Variants in PDE4D observed in about 807,000 individuals in gnomAD.
The protein encoded by PDE4D is 3',5'-cyclic-AMP phosphodiesterase 4D.
PDE4D carries 24 observed loss-of-function variants against 87.4 expected under a neutral mutation model. The observed-to-expected ratio is 0.27, with a 90% confidence interval of 0.20 to 0.39. PDE4D has a LOEUF of 0.39. Ranked by LOEUF, PDE4D falls within the 10% of genes least tolerant of loss-of-function variation. The probability of loss-of-function intolerance (pLI) is 1.00; values close to 1 mark genes in which losing one functional copy is unlikely to be tolerated. For synonymous variants in PDE4D, 384 were observed against 383.2 expected, an observed-to-expected ratio of 1.00 and a Z score of -0.02; for missense variants, 714 against 1,041.0, an observed-to-expected ratio of 0.69 and a Z score of 4.32.
rs191680081 is a variant in PDE4D, at chr5:59,211,618, T to G, written c.647+4159A>C. Among the ~76,000 whole-genome samples the G allele has an allele frequency of 1.4e-3, 213 of 152,176 alleles. 2 individuals are homozygous for G. Among genetic ancestry groups the G allele is most frequent in the African/African-American group, 4.5e-3 (187 of 41,554 alleles). Reference sequence around the variant, plus strand: ...TTGCTTTTTTTTCAAAAGATTAAGCTCATTGGACTTTGGCTTTCTAACCTG... The same window carrying G: ...TTGCTTTTTTTTCAAAAGATTAAGCGCATTGGACTTTGGCTTTCTAACCTG... On this transcript the variant is annotated intron_variant, in intron 2 of 14. Coordinates refer to ENST00000340635, the MANE Select transcript of PDE4D (RefSeq NM_001104631.2).
At chr5:59,746,662 C>T (rs765168015) in intron 1 of PDE4D, among the ~76,000 whole-genome samples, 24 of 152,070 alleles carry the variant, frequency 1.6e-4, no homozygotes, top group Non-Finnish European at 2.6e-4. Flanking sequence ...TGACTCCTAG[C>T]GTTCAGTCTG....
intron 1 of PDE4D, among the ~76,000 whole-genome samples, chr5:59,576,417 C>A (rs1269688322): frequency 6.6e-6 from 1 of 152,028 alleles, no homozygotes; most frequent in Non-Finnish European, 1.5e-5. Flanking sequence ...GCATACGACC[C>A]TACCTTATCT....
At chr5:60,264,791 C>G (rs1191546624) in intron 1 of PDE4D, among the ~76,000 whole-genome samples, 1 of 152,160 alleles carries the variant, frequency 6.6e-6, no homozygotes, top group African/African-American at 2.4e-5. Context: ...ACACCCTGCT[C>G]ACACCCCTCA....
At chr5:60,183,380 T>A (rs189013063) in intron 2 of PDE4D, among the ~76,000 whole-genome samples, 2 of 152,336 alleles carry the variant, frequency 1.3e-5, no homozygotes, top group East Asian at 3.9e-4. Flanking sequence ...TATAGAATCA[T>A]AGAAATTCAT....
intron 1 of PDE4D, among the ~76,000 whole-genome samples, chr5:60,293,501 G>A (rs1428612128): frequency 6.6e-6 from 1 of 152,082 alleles, no homozygotes; most frequent in Non-Finnish European, 1.5e-5. Flanking sequence ...GTAACAGAGC[G>A]AGACTCTGTC....
Position 59,487,258 on chromosome 5 carries a change from C to T in PDE4D, c.456-271290G>A, listed in dbSNP as rs77511628. 6.7e-3 allele frequency among the ~76,000 whole-genome samples: 1,015 copies of T among 151,806 alleles called. 10 individuals are homozygous for T. Among genetic ancestry groups the T allele is most frequent in the African/African-American group, 0.022 (892 of 41,138 alleles). ...ATGCTTCATGAGAAGGTATTTCAAG[C>T]ATCCTGGGAAAGGTGAGCGAAACTT... is the stretch of plus-strand genomic sequence containing the variant. On this transcript the variant is annotated intron_variant, in intron 1 of 14. Transcript: ENST00000340635.
intron 1 of PDE4D, among the ~76,000 whole-genome samples, chr5:59,550,595 T>G (rs1817953375): frequency 6.6e-6 from 1 of 152,202 alleles, no homozygotes; most frequent in South Asian, 2.1e-4. Context: ...AATTTGTATT[T>G]CTTTAAAGTT....
intron 1 of PDE4D, among the ~76,000 whole-genome samples, chr5:59,729,031 T>G (rs143640521): frequency 5.4e-4 from 82 of 152,218 alleles, no homozygotes; most frequent in Non-Finnish European, 9.9e-4. Context: ...CCAAGATTAT[T>G]GCAATAGTTT....
intron 1 of PDE4D, among the ~76,000 whole-genome samples, chr5:59,764,443 T>C (rs1300093171): frequency 6.6e-6 from 1 of 152,120 alleles, no homozygotes; most frequent in African/African-American, 2.4e-5. Flanking sequence ...GTCACACAAT[T>C]ACTAAATGCA....
At chr5:60,033,383 A>G (rs1767453000) in intron 2 of PDE4D, among the ~76,000 whole-genome samples, 1 of 152,186 alleles carries the variant, frequency 6.6e-6, no homozygotes, top group African/African-American at 2.4e-5. Context: ...CTCTTTTCAA[A>G]AGACAATTGT....
intron 1 of PDE4D, among the ~76,000 whole-genome samples, chr5:59,470,106 CAG>C (rs1204047662): frequency 6.6e-6 from 1 of 152,084 alleles, no homozygotes; most frequent in African/African-American, 2.4e-5. Flanking sequence ...AGTCTGCACA[CAG>C]AGTTTTAAGA....
chr5:60,132,845 A>T (rs1339455785), intron 2 of PDE4D, among the ~76,000 whole-genome samples: 1 of 152,072 alleles, frequency 6.6e-6, no homozygotes, highest in African/African-American at 2.4e-5. Context: ...CAATAGAGCG[A>T]GACTATACCT....
intron 1 of PDE4D, among the ~76,000 whole-genome samples, chr5:60,356,949 C>CA (rs1759672557): frequency 1.3e-5 from 2 of 152,156 alleles, no homozygotes; most frequent in African/African-American, 4.8e-5. Context: ...ACTGGACACT[C>CA]ACGTCCATCA....
At chr5:59,590,769 C>A (rs1825817370) in intron 1 of PDE4D, among the ~76,000 whole-genome samples, 1 of 151,930 alleles carries the variant, frequency 6.6e-6, no homozygotes, top group Non-Finnish European at 1.5e-5. Flanking sequence ...TATTAACTAC[C>A]CTTAAATGAG....
chr5:59,494,853 C>T lies in PDE4D; in HGVS notation c.456-278885G>A, dbSNP rs151153089. On this transcript the variant is annotated intron_variant, in intron 1 of 14. Transcript: ENST00000340635. ...GTGCGGACTACAAGCTGAGCCCAAA[C>T]CTTATTCCTCACTTGGAGTGTTGGA... Among the ~76,000 whole-genome samples, 294 of 152,252 alleles carry T rather than the reference C, an allele frequency of 1.9e-3. 1 individual carries two copies. The highest frequency in any genetic ancestry group is 2.3e-3 in the Non-Finnish European group (158 of 68,008).
chr5:59,893,365 C>T lies in PDE4D; in HGVS notation c.258G>A (p.Pro86=), dbSNP rs1013897220. The T allele has an allele frequency of 9.7e-6, 12 of 1,237,494 alleles. No homozygotes were observed. In the East Asian group the frequency reaches 4.1e-4, roughly 42 times the overall value. The allele number at this position is 1,237,494 out of a possible 1,614,324, so 76.7% of individuals were successfully genotyped here. Residue 86 remains proline (P), a synonymous_variant, in exon 1 of 15, where the codon CCG becomes CCA. Transcript: ENST00000340635. ...PPPPPLPPPP[P]PPGAARGRYA... ...AGCGGCCGCGGGCAGCCCCGGGCGG[C>T]GGCGGGGGCGGCGGCAGGGGGGGCG...
chr5:59,610,466 C>T (rs1828844964), intron 1 of PDE4D, among the ~76,000 whole-genome samples: 1 of 152,168 alleles, frequency 6.6e-6, no homozygotes, highest in Non-Finnish European at 1.5e-5. Flanking sequence ...GCTTTCAACT[C>T]AAGAATTTAA....
chr5:59,066,912 G>C (rs1239846339), intron 5 of PDE4D, among the ~76,000 whole-genome samples: 1 of 152,032 alleles, frequency 6.6e-6, no homozygotes, highest in East Asian at 1.9e-4. Context: ...AGTCTACCGT[G>C]CCTTGACCTT....
At chr5:59,637,933 T>G (rs371513361) in intron 1 of PDE4D, among the ~76,000 whole-genome samples, 1 of 152,224 alleles carries the variant, frequency 6.6e-6, no homozygotes, top group Non-Finnish European at 1.5e-5. Flanking sequence ...CTTTTGAATA[T>G]GGCAAGTAGC....
Sources: gnomAD v4.1 joint callset for allele counts (sites outside exome capture counted in the v4.1 genomes callset) on GRCh38, gnomAD v4.1.1 for gene constraint, MANE v1.5 for transcripts, NCBI Gene and HGNC (gene_info 2026-07-23, HGNC 2026-07-21) for gene names.